Variants in DLGAP2 observed in about 807,000 individuals in gnomAD.
DLGAP2 encodes the protein disks large-associated protein 2.
A neutral mutation model predicts 100.3 loss-of-function variants in DLGAP2; 26 were observed. The observed-to-expected ratio is 0.26, with a 90% CI of 0.19 to 0.36. DLGAP2 has a LOEUF of 0.36. Ranked by LOEUF, DLGAP2 falls within the 10% of genes least tolerant of loss-of-function variation. The probability of loss-of-function intolerance (pLI) is 1.00; values close to 1 mark genes in which losing one functional copy is unlikely to be tolerated. For synonymous variants in DLGAP2, 886 were observed against 630.1 expected (o/e 1.41, Z -6.08); for missense variants, 1,858 against 1,453.2 (o/e 1.28, Z -4.53).
At chr8:1,012,593 T>G in intron 2 of DLGAP2, among the ~76,000 whole-genome samples, 1 of 114,086 alleles carries the variant, frequency 8.8e-6, no homozygotes, top group Non-Finnish European at 1.7e-5. Context: ...AGCGGCAGTG[T>G]GGACACCGTC....
chr8:1,387,865 AT>A (rs1281939634), intron 3 of DLGAP2, among the ~76,000 whole-genome samples: 1 of 152,210 alleles, frequency 6.6e-6, no homozygotes, highest in African/African-American at 2.4e-5. Context: ...GAGCCTGTGG[AT>A]TTGATGGCGC....
At chr8:891,789 G>A (rs1038950028) in intron 1 of DLGAP2, among the ~76,000 whole-genome samples, 8 of 152,202 alleles carry the variant, frequency 5.3e-5, no homozygotes, top group East Asian at 3.9e-4. Flanking sequence ...AGGACGGGGA[G>A]GGCCTGGGAG....
intron 6 of DLGAP2, among the ~76,000 whole-genome samples, chr8:1,577,911 G>C (rs1001839872): frequency 3.3e-5 from 5 of 152,242 alleles, no homozygotes; most frequent in African/African-American, 1.2e-4. Context: ...ACTGGCACCA[G>C]CGCGAGTGCT....
At chr8:924,353 AGAT>A in intron 2 of DLGAP2, among the ~76,000 whole-genome samples, 1 of 152,168 alleles carries the variant, frequency 6.6e-6, no homozygotes, top group African/African-American at 2.4e-5. Flanking sequence ...GCAGGTTAGC[AGAT>A]GTTGGGGCCA....
intron 2 of DLGAP2, among the ~76,000 whole-genome samples, chr8:1,223,797 A>C (rs28482351): frequency 0.025 from 3,793 of 152,330 alleles, 90 homozygotes; most frequent in East Asian, 0.1. Flanking sequence ...GGATAAAAAC[A>C]ATTGAATAGT....
intron 3 of DLGAP2, among the ~76,000 whole-genome samples, chr8:1,433,963 C>G (rs183212889): frequency 6.6e-6 from 1 of 152,022 alleles, no homozygotes; most frequent in Non-Finnish European, 1.5e-5. Flanking sequence ...AGCCAAGATT[C>G]TTTATGTAAA....
At chr8:868,706 G>A (rs1480997708) in intron 1 of DLGAP2, among the ~76,000 whole-genome samples, 3 of 152,190 alleles carry the variant, frequency 2.0e-5, no homozygotes, top group Non-Finnish European at 4.4e-5. Flanking sequence ...TGGTGTGTCT[G>A]AGGCGTCTGC....
At chr8:1,205,854 C>T (rs903991236) in intron 2 of DLGAP2, among the ~76,000 whole-genome samples, 1 of 152,128 alleles carries the variant, frequency 6.6e-6, no homozygotes, top group African/African-American at 2.4e-5. Flanking sequence ...ATATTTTTCC[C>T]TTCAAAAATA....
chr8:1,700,418 A>G (rs1336985197), intron 14 of DLGAP2, among the ~76,000 whole-genome samples: 1 of 72,390 alleles, frequency 1.4e-5, no homozygotes, highest in Non-Finnish European at 2.5e-5. Flanking sequence ...AACAATGTGA[A>G]TCACGGGGCA....
intron 4 of DLGAP2, among the ~76,000 whole-genome samples, chr8:1,505,427 A>G (rs538138711): frequency 1.6e-4 from 24 of 152,356 alleles, no homozygotes; most frequent in African/African-American, 5.5e-4. Flanking sequence ...GCTCCAAGGA[A>G]AGCTGAGTAG....
At chr8:957,133 C>G (rs557204616) in intron 2 of DLGAP2, among the ~76,000 whole-genome samples, 1 of 152,288 alleles carries the variant, frequency 6.6e-6, no homozygotes, top group East Asian at 1.9e-4. Flanking sequence ...CAGTTGGAAA[C>G]ATGGGGAATG....
At chr8:754,082 G>T (rs758132480) in intron 1 of DLGAP2, 1 of 152,240 alleles carries the variant, frequency 6.6e-6, no homozygotes, top group Non-Finnish European at 1.5e-5. Flanking sequence ...GAACCGCACC[G>T]CTCCACGTGG....
At chr8:1,030,316 A>C (rs1801937234) in intron 2 of DLGAP2, among the ~76,000 whole-genome samples, 1 of 152,086 alleles carries the variant, frequency 6.6e-6, no homozygotes, top group Admixed American at 6.5e-5. Context: ...TTTGTTTCTG[A>C]GGTGTTGTGA....
At chr8:1,126,990 G>A (rs144839882) in intron 2 of DLGAP2, among the ~76,000 whole-genome samples, 46 of 151,200 alleles carry the variant, frequency 3.0e-4, no homozygotes, top group African/African-American at 1.1e-3. Context: ...CCTTCTGCTT[G>A]TGTTCCTGGA....
At chr8:899,290 C>T (rs1257004541) in intron 1 of DLGAP2, among the ~76,000 whole-genome samples, 1 of 152,226 alleles carries the variant, frequency 6.6e-6, no homozygotes, top group African/African-American at 2.4e-5. Context: ...GAGCCATTGG[C>T]CAAAGGTGGC....
intron 2 of DLGAP2, among the ~76,000 whole-genome samples, chr8:1,222,814 G>T (rs1798342706): frequency 6.6e-6 from 1 of 152,104 alleles, no homozygotes. Context: ...CTGCAAGTGG[G>T]TGCATCCAGG....
chr8:856,421 G>A (rs1797279193), intron 1 of DLGAP2, among the ~76,000 whole-genome samples: 1 of 152,020 alleles, frequency 6.6e-6, no homozygotes, highest in Non-Finnish European at 1.5e-5. Flanking sequence ...CTGCTGACCT[G>A]AGGTGATCTG....
intron 4 of DLGAP2, among the ~76,000 whole-genome samples, chr8:1,523,200 G>A (rs560072884): frequency 1.3e-5 from 2 of 152,234 alleles, no homozygotes; most frequent in East Asian, 1.9e-4. Flanking sequence ...CCATGGTCCT[G>A]CCAGGGGCCC....
At chr8:1,471,918 T>C (rs1798811692) in intron 3 of DLGAP2, among the ~76,000 whole-genome samples, 1 of 152,244 alleles carries the variant, frequency 6.6e-6, no homozygotes, top group African/African-American at 2.4e-5. Flanking sequence ...CGGTTGTGAT[T>C]GCAACCACTT....
Sources: allele counts gnomAD v4.1 joint callset (sites outside exome capture counted in the v4.1 genomes callset), GRCh38; gene constraint gnomAD v4.1.1; transcripts MANE v1.5; gene names NCBI Gene and HGNC (gene_info 2026-07-23, HGNC 2026-07-21).